KCNU1: variants seen among roughly 807,000 people sequenced by gnomAD.
The protein encoded by KCNU1 is potassium calcium-activated channel subfamily U member 1.
Under a neutral mutation model 126.8 loss-of-function variants are expected in KCNU1, and 93 were observed. The ratio of observed to expected loss-of-function variants is 0.73; its 90% CI spans 0.62 to 0.87. The LOEUF (loss-of-function observed/expected upper bound fraction) is 0.87, where lower values mean the gene tolerates loss of function less well. Ranked by LOEUF, KCNU1 falls within the 40% of genes least tolerant of loss-of-function variation. The pLI is 0.00. For synonymous variants in KCNU1, 523 were observed against 494.2 expected (o/e 1.06, Z -0.77); for missense variants, 1,330 against 1,367.1 (o/e 0.97, Z 0.43).
At chr8:36,878,919 T>G (rs997003686) in intron 19 of KCNU1, among the ~76,000 whole-genome samples, 4 of 147,766 alleles carry the variant, frequency 2.7e-5, no homozygotes, top group Non-Finnish European at 6.0e-5. Context: ...TAATATATGT[T>G]TTATATATAT....
chr8:36,845,742 C>A (rs1351522568), intron 17 of KCNU1, 60 bp from the exon 18 acceptor site: 9 of 1,449,528 alleles, frequency 6.2e-6, no homozygotes, highest in East Asian at 2.3e-5. Context: ...TGAGTCAGCA[C>A]CATGCCTCCT....
chr8:36,802,526 C>T (rs1404376526), intron 2 of KCNU1, among the ~76,000 whole-genome samples: 1 of 152,060 alleles, frequency 6.6e-6, no homozygotes, highest in African/African-American at 2.4e-5. Flanking sequence ...ATGTGCCAGA[C>T]GTGAATCACA....
At chr8:36,914,020 A>G (rs911007550) in intron 22 of KCNU1, among the ~76,000 whole-genome samples, 1 of 152,190 alleles carries the variant, frequency 6.6e-6, no homozygotes, top group Non-Finnish European at 1.5e-5. Flanking sequence ...TATTAATATT[A>G]TAGAAATTCC....
At chr8:36,868,388 T>G (rs563458602) in intron 19 of KCNU1, among the ~76,000 whole-genome samples, 7 of 152,268 alleles carry the variant, frequency 4.6e-5, no homozygotes, top group African/African-American at 1.7e-4. Context: ...AAAAAAAATG[T>G]AAAGTATGTG....
chr8:36,793,822 G>A (rs548932382), intron 2 of KCNU1, among the ~76,000 whole-genome samples: 1 of 152,032 alleles, frequency 6.6e-6, no homozygotes, highest in Non-Finnish European at 1.5e-5. Context: ...TTGGGAGGCC[G>A]AGGCAGGTGG....
Position 36,832,036 on chromosome 8 carries a change from G to A in KCNU1, c.1107-1518G>A, listed in dbSNP as rs555431398. Among the ~76,000 whole-genome samples, 324 of 152,310 alleles carry A rather than the reference G, an allele frequency of 2.1e-3. 3 individuals are homozygous for A. The highest frequency in any genetic ancestry group is 7.4e-3 in the African/African-American group (309 of 41,574). ...ATAGGGAATCCTTTTTCCATTGCTT[G>A]TTTTTCTCAGGTTTGTCAAAGATCA... On this transcript the variant is annotated intron_variant, in intron 10 of 26. Coordinates refer to ENST00000399881, the MANE Select transcript of KCNU1 (RefSeq NM_001031836.3).
chr8:36,935,836 A>G lies in KCNU1; in HGVS notation c.3366A>G (p.Leu1122=), dbSNP rs758339459. 12 of 1,612,134 alleles carry G rather than the reference A, an allele frequency of 7.4e-6. No individual in the cohort carries two copies. The highest frequency in any genetic ancestry group is 1.0e-5 in the Non-Finnish European group (12 of 1,179,054). The change falls in exon 27 of 27, where the codon TTA becomes TTG. Residue 1122 remains leucine (L), a synonymous_variant. Transcript: ENST00000399881. ...GTATTATATCATCTCAGATACCTTT[A>G]GGTGACAATGCAAAAGAAAATGAAA... is the stretch of plus-strand genomic sequence containing the variant. ...TNSIISSQIP[L]GDNAKENERK... is the part of the protein sequence containing the mutation.
At chr8:36,889,392 G>C (rs1337916738) in intron 19 of KCNU1, 1 of 371,304 alleles carries the variant, frequency 2.7e-6, no homozygotes, top group Non-Finnish European at 5.4e-6. Context: ...CAGAGATTAA[G>C]ACAAATGAGA....
intron 16 of KCNU1, among the ~76,000 whole-genome samples, chr8:36,842,417 T>G (rs1395329000): frequency 6.6e-6 from 1 of 152,130 alleles, no homozygotes; most frequent in African/African-American, 2.4e-5. Flanking sequence ...GAATAACAAG[T>G]AGTATTGTCT....
In KCNU1 at chr8:36,814,291, A is replaced by G. The variant is rs1803828998; in HGVS notation, c.817A>G (p.Thr273Ala). 1.2e-6 allele frequency: 2 copies of G among 1,613,150 alleles called. No individual in the cohort carries two copies. The highest frequency in any genetic ancestry group is 1.7e-5 in the Admixed American group (1 of 59,980). Reference sequence around the variant, plus strand: ...TGAGTCAATTTACCTGGTCATGGCAACAACGTCAACCGTTGGATTTGGAGA... The same window carrying G: ...TGAGTCAATTTACCTGGTCATGGCAGCAACGTCAACCGTTGGATTTGGAGA... The part of the protein sequence containing the change: ...YFESIYLVMA[T>A]TSTVGFGDVV... The change falls in exon 8 of 27, where the codon ACA becomes GCA. Residue 273 changes from threonine to alanine, a missense_variant. Coordinates refer to ENST00000399881, the MANE Select transcript of KCNU1 (RefSeq NM_001031836.3).
intron 2 of KCNU1, among the ~76,000 whole-genome samples, chr8:36,794,328 T>G (rs923370940): frequency 9.2e-5 from 14 of 152,050 alleles, no homozygotes; most frequent in African/African-American, 3.4e-4. Flanking sequence ...TCATTTAGCT[T>G]TTTTGGAGAT....
At chr8:36,875,524 C>T (rs112858464) in intron 19 of KCNU1, among the ~76,000 whole-genome samples, 11 of 151,402 alleles carry the variant, frequency 7.3e-5, no homozygotes, top group African/African-American at 2.7e-4. Context: ...TAAGGAGTGG[C>T]AAAGTTTACA....
chr8:36,866,047 G>T (rs1464004150), intron 19 of KCNU1, among the ~76,000 whole-genome samples: 1 of 151,980 alleles, frequency 6.6e-6, no homozygotes, highest in Non-Finnish European at 1.5e-5. Context: ...GGGAGCTGTT[G>T]GTCAAAAGGT....
intron 19 of KCNU1, among the ~76,000 whole-genome samples, chr8:36,895,302 C>T (rs567904309): frequency 1.0e-3 from 158 of 152,166 alleles, no homozygotes; most frequent in African/African-American, 3.7e-3. Flanking sequence ...TGGTCTCAAA[C>T]ACCTGGCCTT....
chr8:36,899,188 G>A (rs992293531), intron 19 of KCNU1, among the ~76,000 whole-genome samples: 2 of 152,030 alleles, frequency 1.3e-5, no homozygotes, highest in African/African-American at 4.8e-5. Flanking sequence ...TCAAATATGG[G>A]CTTAGATGTG....
intron 18 of KCNU1, among the ~76,000 whole-genome samples, chr8:36,847,212 T>A (rs1328168347): frequency 3.3e-5 from 5 of 151,870 alleles, no homozygotes; most frequent in African/African-American, 9.7e-5. Flanking sequence ...CCTTTTTAAA[T>A]TTTTTTTCTG....
chr8:36,920,099 CT>C (rs1275632128), intron 23 of KCNU1, among the ~76,000 whole-genome samples: 2 of 152,138 alleles, frequency 1.3e-5, no homozygotes, highest in Admixed American at 1.3e-4. Context: ...TTATATTTTA[CT>C]TTTTTCCTCC....
chr8:36,821,516 G>A (rs1804124190), intron 10 of KCNU1, among the ~76,000 whole-genome samples: 1 of 152,100 alleles, frequency 6.6e-6, no homozygotes, highest in Non-Finnish European at 1.5e-5. Flanking sequence ...CCAGGTCTAG[G>A]CCTAATTTAG....
chr8:36,871,412 G>C (rs1029752820), intron 19 of KCNU1, among the ~76,000 whole-genome samples: 2 of 148,600 alleles, frequency 1.3e-5, no homozygotes, highest in African/African-American at 5.0e-5. Flanking sequence ...TATATACATA[G>C]AGAGAGAGAG....
Sources: allele counts gnomAD v4.1 joint callset (sites outside exome capture counted in the v4.1 genomes callset), GRCh38; gene constraint gnomAD v4.1.1; transcripts MANE v1.5; gene names NCBI Gene and HGNC (gene_info 2026-07-23, HGNC 2026-07-21).